CERS6: variants seen among roughly 807,000 people sequenced by gnomAD.
CERS6 encodes the protein ceramide synthase 6.
Under a neutral mutation model 56.8 loss-of-function variants are expected in CERS6, and 26 were observed. That is an observed-to-expected ratio of 0.46 (90% CI 0.34 to 0.63). The LOEUF (loss-of-function observed/expected upper bound fraction) is 0.63. Ranked by LOEUF, CERS6 falls within the 30% of genes least tolerant of loss-of-function variation. The pLI, the probability that CERS6 is intolerant of heterozygous loss-of-function variation, is 0.01. For missense variants in CERS6, 415 were observed against 467.5 expected, an observed-to-expected ratio of 0.89 and a Z score of 1.04; for synonymous variants, 164 against 173.3, an observed-to-expected ratio of 0.95 and a Z score of 0.42.
intron 4 of CERS6, among the ~76,000 whole-genome samples, chr2:168,684,484 T>C (rs1686295882): frequency 6.6e-6 from 1 of 152,254 alleles, no homozygotes; most frequent in African/African-American, 2.4e-5. Context: ...TATTTTATAA[T>C]GTGTATCTAA....
intron 4 of CERS6, among the ~76,000 whole-genome samples, chr2:168,635,989 C>T (rs759028060): frequency 6.6e-6 from 1 of 151,988 alleles, no homozygotes; most frequent in Non-Finnish European, 1.5e-5. Context: ...ATTTGTCTAG[C>T]CATTAGAATA....
chr2:168,496,554 G>A (rs144206822), intron 1 of CERS6, among the ~76,000 whole-genome samples: 1 of 152,110 alleles, frequency 6.6e-6, no homozygotes, highest in Non-Finnish European at 1.5e-5. Context: ...ACAGAGTTCA[G>A]CTCTATAATT....
At position 168,456,356 on chromosome 2, in the gene CERS6, TCGGGGCCAGCCGGGCG is replaced by T. The variant is rs1693649902; in HGVS notation, c.-90_-75del. The T allele has an allele frequency of 1.0e-6, 1 of 996,634 alleles. No individual in the cohort carries two copies. The highest frequency in any genetic ancestry group is 1.3e-6 in the Non-Finnish European group (1 of 754,782). The allele number at this position is 996,634 out of a possible 1,614,324, so 61.7% of individuals were successfully genotyped here. On this transcript the variant is annotated 5_prime_UTR_variant, in exon 1 of 10. Coordinates refer to ENST00000305747, the MANE Select transcript of CERS6 (RefSeq NM_203463.3). This position sits in a 1 kb window ranked among gnomAD's most constrained non-coding sequence, Gnocchi z 4.1. Reference sequence around the variant, plus strand: ...GAGCAGCGGCGGCGGCGGCACAGGCTCGGGGCCAGCCGGGCGCGCATCCCCGGGCGCCCTGCGCGGT... The same window carrying T: ...GAGCAGCGGCGGCGGCGGCACAGGCTCGCATCCCCGGGCGCCCTGCGCGGT...
intron 1 of CERS6, among the ~76,000 whole-genome samples, chr2:168,498,024 A>G (rs375628953): frequency 8.5e-4 from 129 of 152,268 alleles, no homozygotes; most frequent in African/African-American, 3.0e-3. Context: ...TCTCTTCCTG[A>G]TAGGCTATTC....
At chr2:168,534,346 C>T (rs906779511) in intron 1 of CERS6, among the ~76,000 whole-genome samples, 13 of 150,006 alleles carry the variant, frequency 8.7e-5, no homozygotes, top group Admixed American at 2.7e-4. Context: ...TTTTCATCTT[C>T]GTGAGTTTGT....
At chr2:168,665,830 G>A (rs1334183382) in intron 4 of CERS6, among the ~76,000 whole-genome samples, 3 of 152,186 alleles carry the variant, frequency 2.0e-5, no homozygotes, top group African/African-American at 4.8e-5. Flanking sequence ...TCTAGCTCAA[G>A]AAGTTATATA....
chr2:168,509,809 C>T (rs1308222383), intron 1 of CERS6, among the ~76,000 whole-genome samples: 1 of 152,028 alleles, frequency 6.6e-6, no homozygotes, highest in East Asian at 1.9e-4. Context: ...GCCTGTAATC[C>T]CAGCACTGTG....
At chr2:168,544,522 A>G (rs1392644356) in intron 1 of CERS6, among the ~76,000 whole-genome samples, 2 of 152,142 alleles carry the variant, frequency 1.3e-5, no homozygotes, top group African/African-American at 4.8e-5. Context: ...TGCACCTGTT[A>G]CACCAACTCT....
At chr2:168,540,964 T>G (rs1422340424) in intron 1 of CERS6, among the ~76,000 whole-genome samples, 3 of 152,172 alleles carry the variant, frequency 2.0e-5, no homozygotes, top group Non-Finnish European at 4.4e-5. Context: ...AAAGAACATG[T>G]TTATTTAGCA....
At chr2:168,743,699 A>G (rs1683996962) in intron 8 of CERS6, among the ~76,000 whole-genome samples, 1 of 152,196 alleles carries the variant, frequency 6.6e-6, no homozygotes, top group South Asian at 2.1e-4. Flanking sequence ...TATTTTTGTT[A>G]AGTAAAAGTC....
At chr2:168,657,393 CG>C (rs1276988452) in intron 4 of CERS6, among the ~76,000 whole-genome samples, 2 of 152,256 alleles carry the variant, frequency 1.3e-5, no homozygotes, top group Non-Finnish European at 2.9e-5. Flanking sequence ...GATCCCGCAC[CG>C]GGGCTGCAGG....
chr2:168,471,345 C>G (rs1022653537), intron 1 of CERS6, among the ~76,000 whole-genome samples: 1 of 152,160 alleles, frequency 6.6e-6, no homozygotes, highest in African/African-American at 2.4e-5. Context: ...AATCCACTTG[C>G]ATATATAATA....
chr2:168,526,510 G>GC (rs1695074714), intron 1 of CERS6, among the ~76,000 whole-genome samples: 1 of 152,170 alleles, frequency 6.6e-6, no homozygotes, highest in African/African-American at 2.4e-5. Flanking sequence ...CTGTATATGT[G>GC]CCAGGCACTT....
chr2:168,517,091 T>A (rs563903690), intron 1 of CERS6, among the ~76,000 whole-genome samples: 2 of 152,078 alleles, frequency 1.3e-5, no homozygotes, highest in South Asian at 4.1e-4. Context: ...AAGAGTCTTA[T>A]AGGAGCCCAA....
In CERS6 at chr2:168,774,880, C is replaced by G. The variant is rs1684962943; in HGVS notation, c.*5218C>G. 6.6e-6 allele frequency: 1 copy of G among 152,028 alleles called. No homozygotes were observed. Among genetic ancestry groups the G allele is most frequent in the South Asian group, 2.1e-4 (1 of 4,812 alleles). 9.4% of individuals were successfully genotyped at this position (152,028 alleles called of 1,614,324 possible). ...GGTGTTTGGATTTGATTTTTTTCAACTTGCAGTGAGAAATAGGATAGGTGA... is the reference window on the plus strand; with the variant it reads ...GGTGTTTGGATTTGATTTTTTTCAAGTTGCAGTGAGAAATAGGATAGGTGA... On this transcript the variant is annotated 3_prime_UTR_variant, in exon 10 of 10. Coordinates refer to ENST00000305747, the MANE Select transcript of CERS6 (RefSeq NM_203463.3).
At chr2:168,769,332 G>T (rs79621965) in intron 9 of CERS6, among the ~76,000 whole-genome samples, 178 bp from the exon 10 acceptor site, 271 of 152,220 alleles carry the variant, frequency 1.8e-3, no homozygotes, top group African/African-American at 5.2e-3. Context: ...TGACTTTGTC[G>T]CCTACATTTT....
At chr2:168,731,315 AG>A (rs1484144535) in intron 8 of CERS6, among the ~76,000 whole-genome samples, 1 of 152,178 alleles carries the variant, frequency 6.6e-6, no homozygotes, top group Non-Finnish European at 1.5e-5. Flanking sequence ...AATCTGAAGC[AG>A]CACAAGACTG....
At chr2:168,739,097 C>T (rs1039425693) in intron 8 of CERS6, among the ~76,000 whole-genome samples, 12 of 89,054 alleles carry the variant, frequency 1.3e-4, no homozygotes, top group South Asian at 1.2e-3. Context: ...TTAGTAGAGA[C>T]GGGGTTTCAC....
intron 4 of CERS6, among the ~76,000 whole-genome samples, chr2:168,642,873 T>C (rs2105307897): frequency 1.3e-5 from 2 of 152,324 alleles, no homozygotes; most frequent in South Asian, 4.1e-4. Flanking sequence ...ATAGCCTTGT[T>C]GTGAATTGTC....
Sources: gnomAD v4.1 joint callset for allele counts (sites outside exome capture counted in the v4.1 genomes callset) on GRCh38, gnomAD v4.1.1 for gene constraint, Gnocchi (gnomAD v3.1) non-coding constraint, MANE v1.5 for transcripts, NCBI Gene and HGNC (gene_info 2026-07-23, HGNC 2026-07-21) for gene names.